The following FER1L6 variants were observed in gnomAD, a reference collection of about 807,000 sequenced individuals.
FER1L6 encodes fer-1-like protein 6.
FER1L6 carries 177 observed loss-of-function variants against 219.2 expected under a neutral mutation model. That is an observed-to-expected ratio of 0.81 (90% CI 0.71 to 0.91). The LOEUF (loss-of-function observed/expected upper bound fraction) is 0.91. FER1L6 is among the 40% of genes least tolerant of loss of function. The pLI, the probability that FER1L6 is intolerant of heterozygous loss-of-function variation, is 0.00. For synonymous variants in FER1L6, 768 were observed against 824.3 expected (o/e 0.93, Z 1.17); for missense variants, 2,153 against 2,259.9 (o/e 0.95, Z 0.96).
rs116313973 is a variant in FER1L6, at chr8:124,006,987, G to A, written c.1701-3607G>A. On this transcript the variant is annotated intron_variant, in intron 13 of 40. Coordinates refer to ENST00000522917, the MANE Select transcript of FER1L6 (RefSeq NM_001039112.2). ...AATTTATCTATCTGCAGGATTCTTA[G>A]TGCAATAATTTTTTAAGAGATAAAG... is the stretch of plus-strand genomic sequence containing the variant. Among the ~76,000 whole-genome samples, 234 of 152,322 alleles carry A rather than the reference G, an allele frequency of 1.5e-3. 2 individuals carry two copies. The highest frequency in any genetic ancestry group is 5.4e-3 in the African/African-American group (224 of 41,578).
intron 25 of FER1L6, among the ~76,000 whole-genome samples, chr8:124,062,775 T>G (rs1820645318): frequency 6.6e-6 from 1 of 152,190 alleles, no homozygotes; most frequent in Admixed American, 6.5e-5. Flanking sequence ...TTCTCTGGAA[T>G]GTACACCCAG....
At chr8:124,038,969 C>T (rs940309111) in intron 19 of FER1L6, among the ~76,000 whole-genome samples, 5 of 152,154 alleles carry the variant, frequency 3.3e-5, no homozygotes, top group African/African-American at 1.2e-4. Context: ...AACCAAGAGG[C>T]GCCCTGCAAG....
intron 18 of FER1L6, among the ~76,000 whole-genome samples, chr8:124,033,394 T>C (rs1586616819): frequency 6.6e-6 from 1 of 152,366 alleles, no homozygotes; most frequent in East Asian, 1.9e-4. Context: ...TTGGCTATTA[T>C]TATTAGAGAA....
rs369107793 is a variant in FER1L6 at position 124,070,487 on chromosome 8, G to A, written c.3855G>A (p.Glu1285=). 87 of 1,613,768 alleles carry A rather than the reference G, an allele frequency of 5.4e-5. No homozygotes were observed. In the African/African-American group the frequency reaches 1.1e-3, roughly 20 times the overall value. The change falls in exon 30 of 41, where the codon GAG becomes GAA. Residue 1285 remains glutamate, a synonymous_variant. Coordinates refer to ENST00000522917, the MANE Select transcript of FER1L6 (RefSeq NM_001039112.2). The part of the protein sequence containing the change: ...AILQIYDGDL[E]SEFNNFEDWV... ...TAAAGATATATGACGGTGATCTCGA[G>A]AGTGAATTCAACAATTTTGAAGACT...
chr8:124,033,102 A>C (rs756481993), intron 18 of FER1L6, among the ~76,000 whole-genome samples: 1 of 152,230 alleles, frequency 6.6e-6, no homozygotes, highest in Non-Finnish European at 1.5e-5. Flanking sequence ...CAGGGCCTAG[A>C]ATGATAGAAG....
intron 3 of FER1L6, 53 bp from the exon 4 acceptor site, chr8:123,965,954 C>G (rs984546748): frequency 1.4e-6 from 2 of 1,439,508 alleles, no homozygotes; most frequent in African/African-American, 2.8e-5. Context: ...ATTATCATGA[C>G]TTATGGATAT....
chr8:124,114,398 C>T (rs1823147403), intron 39 of FER1L6, among the ~76,000 whole-genome samples: 1 of 152,126 alleles, frequency 6.6e-6, no homozygotes, highest in Non-Finnish European at 1.5e-5. Flanking sequence ...GCTCCATCCA[C>T]TGAAGAATCT....
chr8:123,904,622 G>A (rs1812919563), intron 1 of FER1L6, among the ~76,000 whole-genome samples: 1 of 152,172 alleles, frequency 6.6e-6, no homozygotes, highest in Non-Finnish European at 1.5e-5. Context: ...AGAAGGTGGT[G>A]AGCTCCAGCC....
chr8:123,992,780 TC>T (rs1816922442), intron 12 of FER1L6, among the ~76,000 whole-genome samples: 1 of 152,208 alleles, frequency 6.6e-6, no homozygotes, highest in Non-Finnish European at 1.5e-5. Context: ...TTTTTCTACT[TC>T]CTTGAGGTGC....
intron 1 of FER1L6, among the ~76,000 whole-genome samples, chr8:123,864,027 T>C (rs1294336023): frequency 1.4e-4 from 20 of 147,506 alleles, no homozygotes; most frequent in Admixed American, 1.1e-3. Flanking sequence ...GTCATTATGA[T>C]GTTAGCTGGT....
At chr8:124,022,119 C>A (rs1818484274) in intron 17 of FER1L6, among the ~76,000 whole-genome samples, 1 of 152,208 alleles carries the variant, frequency 6.6e-6, no homozygotes, top group African/African-American at 2.4e-5. Flanking sequence ...TTGAAGCTTG[C>A]AAATGTGTAG....
chr8:124,065,806 G>C (rs1320373634), intron 26 of FER1L6, among the ~76,000 whole-genome samples: 1 of 152,130 alleles, frequency 6.6e-6, no homozygotes, highest in African/African-American at 2.4e-5. Flanking sequence ...GCATCCATAG[G>C]CTCCAGCAGG....
At chr8:124,090,829 A>G (rs911883222) in intron 33 of FER1L6, among the ~76,000 whole-genome samples, 11 of 152,144 alleles carry the variant, frequency 7.2e-5, no homozygotes, top group Non-Finnish European at 8.8e-5. Flanking sequence ...GATATATACT[A>G]TGATTTTGGT....
chr8:123,997,600 A>G (rs1817190847), intron 12 of FER1L6, among the ~76,000 whole-genome samples: 1 of 152,014 alleles, frequency 6.6e-6, no homozygotes, highest in South Asian at 2.1e-4. Context: ...TAAACTTTCT[A>G]CCCTGATCTC....
In FER1L6 at chr8:123,877,457, T is replaced by C. The variant is rs77428966; in HGVS notation, c.-8+25272T>C. Among the ~76,000 whole-genome samples, 184 of 152,182 alleles carry C rather than the reference T, an allele frequency of 1.2e-3. 4 individuals carry two copies. The East Asian group carries it at 0.024, about 20-fold the overall frequency. ...CTGGGCCCAGGTTGGGCAAGAAGGATTTGTGGGGGCTTTGGGAGCCTGCAG... is the reference window on the plus strand; with the variant it reads ...CTGGGCCCAGGTTGGGCAAGAAGGACTTGTGGGGGCTTTGGGAGCCTGCAG... On this transcript the variant is annotated intron_variant, in intron 1 of 40. Coordinates refer to ENST00000522917, the MANE Select transcript of FER1L6 (RefSeq NM_001039112.2).
intron 34 of FER1L6, among the ~76,000 whole-genome samples, chr8:124,093,281 G>A (rs1415552863): frequency 6.6e-6 from 1 of 151,998 alleles, no homozygotes; most frequent in Admixed American, 6.5e-5. Context: ...AGTTCGACAT[G>A]AGATTTAGGC....
intron 1 of FER1L6, among the ~76,000 whole-genome samples, chr8:123,873,996 T>C (rs1816964212): frequency 6.6e-6 from 1 of 152,224 alleles, no homozygotes; most frequent in African/African-American, 2.4e-5. Flanking sequence ...GTTTAGATTC[T>C]GTAGAACATC....
chr8:124,083,409 A>C (rs1171217596), intron 33 of FER1L6, among the ~76,000 whole-genome samples: 2 of 152,104 alleles, frequency 1.3e-5, no homozygotes, highest in African/African-American at 4.8e-5. Flanking sequence ...GCATATGATG[A>C]GACACAGGGA....
chr8:124,083,655 C>G (rs1019057216), intron 33 of FER1L6, among the ~76,000 whole-genome samples: 47 of 152,020 alleles, frequency 3.1e-4, no homozygotes, highest in Admixed American at 1.5e-3. Flanking sequence ...CAATACCATG[C>G]TCTTCTGGTT....
Sources: gnomAD v4.1 joint callset for allele counts (sites outside exome capture counted in the v4.1 genomes callset) on GRCh38, gnomAD v4.1.1 for gene constraint, MANE v1.5 for transcripts, NCBI Gene and HGNC (gene_info 2026-07-23, HGNC 2026-07-21) for gene names.